The following CTNND2 variants were observed in gnomAD, a reference collection of about 807,000 sequenced individuals.
CTNND2 encodes catenin delta-2.
A neutral mutation model predicts 144.4 loss-of-function variants in CTNND2; 22 were observed. The observed-to-expected ratio is 0.15, with a 90% CI of 0.11 to 0.22. CTNND2 has a LOEUF of 0.22. Ranked by LOEUF, CTNND2 falls within the 10% of genes least tolerant of loss-of-function variation. The pLI is 1.00. For missense variants in CTNND2, 1,353 were observed against 1,618.8 expected (o/e 0.84, Z 2.82); for synonymous variants, 751 against 695.6 (o/e 1.08, Z -1.25).
At chr5:11,378,591 T>C (rs1255449252) in intron 7 of CTNND2, among the ~76,000 whole-genome samples, 1 of 152,236 alleles carries the variant, frequency 6.6e-6, no homozygotes, top group Non-Finnish European at 1.5e-5. Context: ...TGCGCAATGC[T>C]TGTCCACAGC....
chr5:11,819,648 A>G (rs537021620), intron 1 of CTNND2, among the ~76,000 whole-genome samples: 11 of 152,240 alleles, frequency 7.2e-5, no homozygotes, highest in Non-Finnish European at 1.3e-4. Context: ...CCTACTTAGC[A>G]GTGGGAACCA....
intron 8 of CTNND2, among the ~76,000 whole-genome samples, chr5:11,351,737 C>T (rs2149748870): frequency 6.6e-6 from 1 of 152,214 alleles, no homozygotes; most frequent in East Asian, 1.9e-4. Flanking sequence ...AGAAAAAAAG[C>T]ACTACTTTTT....
At chr5:11,124,863 T>C (rs1445883116) in intron 12 of CTNND2, among the ~76,000 whole-genome samples, 1 of 152,210 alleles carries the variant, frequency 6.6e-6, no homozygotes, top group East Asian at 1.9e-4. Context: ...TTTCAGCATA[T>C]TCTGAGGCTG....
At chr5:11,305,948 T>C (rs1227009427) in intron 9 of CTNND2, among the ~76,000 whole-genome samples, 1 of 152,188 alleles carries the variant, frequency 6.6e-6, no homozygotes, top group African/African-American at 2.4e-5. Flanking sequence ...TCTATACAAA[T>C]GGCTTACCAT....
intron 1 of CTNND2, among the ~76,000 whole-genome samples, chr5:11,818,438 G>A (rs935574361): frequency 6.6e-6 from 1 of 150,928 alleles, no homozygotes; most frequent in Non-Finnish European, 1.5e-5. Flanking sequence ...ATGTGATCTC[G>A]GCTCACTGCA....
At chr5:11,205,184 T>A (rs1315423542) in intron 10 of CTNND2, among the ~76,000 whole-genome samples, 1 of 152,194 alleles carries the variant, frequency 6.6e-6, no homozygotes. Flanking sequence ...ACATACTATA[T>A]ATATATGTAT....
At chr5:11,786,776 A>C (rs1790860797) in intron 1 of CTNND2, among the ~76,000 whole-genome samples, 1 of 152,216 alleles carries the variant, frequency 6.6e-6, no homozygotes, top group Non-Finnish European at 1.5e-5. Context: ...AATTATCCAA[A>C]GTTCTCACAC....
intron 5 of CTNND2, among the ~76,000 whole-genome samples, chr5:11,404,621 T>A (rs1053071403): frequency 2.5e-5 from 3 of 119,470 alleles, no homozygotes; most frequent in African/African-American, 1.1e-4. Context: ...TTTTTTTTTT[T>A]TTTTTTTTTT....
At chr5:11,824,064 C>A (rs1793469256) in intron 1 of CTNND2, among the ~76,000 whole-genome samples, 1 of 136,754 alleles carries the variant, frequency 7.3e-6, no homozygotes, top group Admixed American at 7.8e-5. Flanking sequence ...GATTGCACCA[C>A]TGTACTCCAG....
intron 1 of CTNND2, among the ~76,000 whole-genome samples, chr5:11,737,587 T>C (rs902808976): frequency 6.6e-6 from 1 of 152,260 alleles, no homozygotes; most frequent in African/African-American, 2.4e-5. Flanking sequence ...AGTTTCAGGG[T>C]GCAAGTCACC....
At chr5:11,823,285 G>A (rs1255844117) in intron 1 of CTNND2, among the ~76,000 whole-genome samples, 1 of 152,170 alleles carries the variant, frequency 6.6e-6, no homozygotes. Context: ...CACTAATGAT[G>A]CATGCAATTT....
chr5:11,258,523 C>T (rs575839136), intron 9 of CTNND2, among the ~76,000 whole-genome samples: 9 of 152,310 alleles, frequency 5.9e-5, no homozygotes, highest in East Asian at 1.9e-4. Context: ...CAAAGGCAAG[C>T]GAACCTGGTC....
chr5:11,729,621 T>C (rs1396712008), intron 2 of CTNND2, among the ~76,000 whole-genome samples: 1 of 152,206 alleles, frequency 6.6e-6, no homozygotes, highest in Non-Finnish European at 1.5e-5. Context: ...TTTTTGGCTA[T>C]TTCAAATAAT....
At chr5:11,168,149 A>G (rs1486904243) in intron 11 of CTNND2, among the ~76,000 whole-genome samples, 2 of 152,166 alleles carry the variant, frequency 1.3e-5, no homozygotes, top group Non-Finnish European at 2.9e-5. Context: ...CAAAACTCAG[A>G]TGTATCTATG....
At chr5:11,234,162 T>C (rs774595727) in intron 10 of CTNND2, among the ~76,000 whole-genome samples, 1 of 151,844 alleles carries the variant, frequency 6.6e-6, no homozygotes, top group Non-Finnish European at 1.5e-5. Context: ...CACACATATG[T>C]ACACACACGC....
At chr5:11,724,978 T>A (rs1393276283) in intron 2 of CTNND2, among the ~76,000 whole-genome samples, 2 of 152,192 alleles carry the variant, frequency 1.3e-5, no homozygotes, top group Non-Finnish European at 2.9e-5. Context: ...GTGGCCCAGC[T>A]GCTTCCTGAG....
At chr5:11,231,683 T>C (rs913859563) in intron 10 of CTNND2, among the ~76,000 whole-genome samples, 1 of 152,120 alleles carries the variant, frequency 6.6e-6, no homozygotes, top group Non-Finnish European at 1.5e-5. Flanking sequence ...GGCCCGATAA[T>C]GTGATAGAAA....
chr5:11,703,992 G>A (rs190680687), intron 2 of CTNND2, among the ~76,000 whole-genome samples: 5 of 152,248 alleles, frequency 3.3e-5, no homozygotes, highest in Non-Finnish European at 2.9e-5. Flanking sequence ...TTAACAATAC[G>A]TGTACTGGAA....
In CTNND2 at chr5:10,988,181, C is replaced by CTCGTAG; in HGVS notation, c.3267_3272dup (p.Asp1089_Tyr1090dup). ...GGTAGGTGGCGTTGCTGCCGGTGCA[C>CTCGTAG]TCGTAGTCTGTTTTCCTTTCTTTGA... is the stretch of plus-strand genomic sequence containing the variant. On this transcript the variant is annotated inframe_insertion, in exon 20 of 22. Coordinates refer to ENST00000304623, the MANE Select transcript of CTNND2 (RefSeq NM_001332.4). This position sits in a 1 kb window ranked among gnomAD's most constrained non-coding sequence, Gnocchi z 5.9. 6.2e-7 allele frequency: 1 copy of CTCGTAG among 1,614,210 alleles called. No individual in the cohort carries two copies. The highest frequency in any genetic ancestry group is 1.7e-5 in the Admixed American group (1 of 60,030).
Sources: gnomAD v4.1 joint callset for allele counts (sites outside exome capture counted in the v4.1 genomes callset) on GRCh38, gnomAD v4.1.1 for gene constraint, Gnocchi (gnomAD v3.1) non-coding constraint, MANE v1.5 for transcripts, NCBI Gene and HGNC (gene_info 2026-07-23, HGNC 2026-07-21) for gene names.